Variants in GALNT13 observed in about 807,000 individuals in gnomAD.
GALNT13 encodes UDP-GalNAc:polypeptide N-acetylgalactosaminyltransferase 13.
A neutral mutation model predicts 64.2 loss-of-function variants in GALNT13; 28 were observed. The observed-to-expected ratio is 0.44, with a 90% confidence interval of 0.32 to 0.60. The LOEUF (loss-of-function observed/expected upper bound fraction) is 0.60. GALNT13 is among the 20% of genes least tolerant of loss of function. The pLI, the probability that GALNT13 is intolerant of heterozygous loss-of-function variation, is 0.05. For missense variants in GALNT13, 577 were observed against 669.8 expected, an observed-to-expected ratio of 0.86 and a Z score of 1.53; for synonymous variants, 214 against 224.6, an observed-to-expected ratio of 0.95 and a Z score of 0.42.
At chr2:154,334,821 C>T (rs1376445933) in intron 9 of GALNT13, among the ~76,000 whole-genome samples, 1 of 151,978 alleles carries the variant, frequency 6.6e-6, no homozygotes, top group African/African-American at 2.4e-5. Flanking sequence ...GATTCATTTT[C>T]CACCTGTTTC....
chr2:153,638,839 T>A, the GALNT13 span, among the ~76,000 whole-genome samples: 1 of 151,976 alleles, frequency 6.6e-6, no homozygotes, highest in Non-Finnish European at 1.5e-5. Context: ...ACTCAAGAGA[T>A]CCTAGTGATT....
chr2:153,369,482 G>A, the GALNT13 span, among the ~76,000 whole-genome samples: 7 of 152,102 alleles, frequency 4.6e-5, no homozygotes, highest in African/African-American at 1.7e-4. Flanking sequence ...AAATATCATT[G>A]CAGACATATT....
chr2:154,025,887 A>G (rs935497823), intron 3 of GALNT13, among the ~76,000 whole-genome samples: 1 of 152,136 alleles, frequency 6.6e-6, no homozygotes, highest in Non-Finnish European at 1.5e-5. Flanking sequence ...ATATATGAAT[A>G]AATGAGAGGA....
chr2:154,219,301 A>C (rs1468709856), intron 4 of GALNT13, among the ~76,000 whole-genome samples: 1 of 152,054 alleles, frequency 6.6e-6, no homozygotes, highest in Non-Finnish European at 1.5e-5. Context: ...TACATTTTAA[A>C]GGTAAGGAAA....
chr2:153,180,457 G>C, the GALNT13 span, among the ~76,000 whole-genome samples: 1 of 152,020 alleles, frequency 6.6e-6, no homozygotes, highest in African/African-American at 2.4e-5. Context: ...TTGCATATAT[G>C]TTCACCAAGG....
the GALNT13 span, among the ~76,000 whole-genome samples, chr2:153,614,306 A>G: frequency 6.6e-6 from 1 of 152,088 alleles, no homozygotes; most frequent in African/African-American, 2.4e-5. Flanking sequence ...AAATTGCAAT[A>G]CTGTGGTGAT....
the GALNT13 span, among the ~76,000 whole-genome samples, chr2:153,828,067 T>G: frequency 6.6e-6 from 1 of 152,198 alleles, no homozygotes; most frequent in Non-Finnish European, 1.5e-5. Context: ...CAGGTTCCCA[T>G]AGTATTGGGA....
the GALNT13 span, among the ~76,000 whole-genome samples, chr2:153,864,279 G>A: frequency 1.3e-5 from 2 of 152,134 alleles, no homozygotes; most frequent in Admixed American, 1.3e-4. Flanking sequence ...TGACAGGAGT[G>A]ATTACTGCCC....
the GALNT13 span, among the ~76,000 whole-genome samples, chr2:153,780,797 G>T: frequency 4.6e-5 from 7 of 152,058 alleles, no homozygotes; most frequent in Non-Finnish European, 8.8e-5. Context: ...TGCTCGTTGT[G>T]GCAATAGATT....
the GALNT13 span, among the ~76,000 whole-genome samples, chr2:153,856,035 A>G: frequency 1.3e-5 from 2 of 152,174 alleles, no homozygotes; most frequent in Non-Finnish European, 2.9e-5. Context: ...GTAGAGACAG[A>G]AAAAATATTT....
the GALNT13 span, chr2:153,478,250 C>T: frequency 1.9e-6 from 3 of 1,612,104 alleles, no homozygotes; most frequent in African/African-American, 2.7e-5. Flanking sequence ...TAGGGCCCCA[C>T]GACCACCGCC....
intron 9 of GALNT13, among the ~76,000 whole-genome samples, chr2:154,306,991 A>T (rs904235096): frequency 1.4e-5 from 2 of 141,180 alleles, no homozygotes; most frequent in Non-Finnish European, 3.1e-5. Flanking sequence ...AAGGGCTGTT[A>T]TTTTTTTTTT....
chr2:154,348,351 C>T (rs892521789), intron 9 of GALNT13, among the ~76,000 whole-genome samples: 3 of 151,606 alleles, frequency 2.0e-5, no homozygotes, highest in African/African-American at 7.3e-5. Context: ...AAATTAGGCA[C>T]TTGTTATATA....
the GALNT13 span, among the ~76,000 whole-genome samples, chr2:153,148,157 G>T: frequency 6.6e-6 from 1 of 151,822 alleles, no homozygotes; most frequent in Admixed American, 6.6e-5. Context: ...AAATACAATA[G>T]ACATAATCCA....
At chr2:153,076,907 G>T in the GALNT13 span, among the ~76,000 whole-genome samples, 1 of 150,886 alleles carries the variant, frequency 6.6e-6, no homozygotes, top group South Asian at 2.1e-4. Context: ...CTAATCTTGC[G>T]TTTTTTGTTT....
chr2:153,286,638 T>C, the GALNT13 span, among the ~76,000 whole-genome samples: 9 of 152,194 alleles, frequency 5.9e-5, no homozygotes, highest in African/African-American at 2.2e-4. Flanking sequence ...CACCAGTGCA[T>C]GCACTTCAGA....
chr2:154,050,484 C>T (rs1480937478), intron 3 of GALNT13, among the ~76,000 whole-genome samples: 1 of 152,070 alleles, frequency 6.6e-6, no homozygotes, highest in Admixed American at 6.6e-5. Context: ...CTGGGAAAAT[C>T]GTTGATAGCT....
chr2:153,437,106 G>A, the GALNT13 span, among the ~76,000 whole-genome samples: 2 of 152,146 alleles, frequency 1.3e-5, no homozygotes, highest in African/African-American at 4.8e-5. Flanking sequence ...TCAGGAGCAG[G>A]TTGTTCAGTT....
chr2:153,648,078 T>C, the GALNT13 span, among the ~76,000 whole-genome samples: 1 of 152,186 alleles, frequency 6.6e-6, no homozygotes, highest in Non-Finnish European at 1.5e-5. Flanking sequence ...TTTCACAATA[T>C]TGATTCTTCC....
Sources: allele counts gnomAD v4.1 joint callset (sites outside exome capture counted in the v4.1 genomes callset), GRCh38; gene constraint gnomAD v4.1.1; transcripts MANE v1.5; gene names NCBI Gene and HGNC (gene_info 2026-07-23, HGNC 2026-07-21).